The following ZNRF2 variants were observed in gnomAD, a reference collection of about 807,000 sequenced individuals.
ZNRF2 encodes the protein E3 ubiquitin-protein ligase ZNRF2.
ZNRF2 carries 16 observed loss-of-function variants against 20.4 expected under a neutral mutation model. The ratio of observed to expected loss-of-function variants is 0.79; its 90% CI spans 0.53 to 1.19. ZNRF2 has a LOEUF of 1.19. ZNRF2 is among the 50% of genes most tolerant of loss of function. ZNRF2 has a pLI of 0.00. For missense variants in ZNRF2, 363 were observed against 332.4 expected, an observed-to-expected ratio of 1.09 and a Z score of -0.72; for synonymous variants, 178 against 144.9, an observed-to-expected ratio of 1.23 and a Z score of -1.64.
At chr7:30,365,155 T>C (rs1320698767) in intron 4 of ZNRF2, among the ~76,000 whole-genome samples, 1 of 93,210 alleles carries the variant, frequency 1.1e-5, no homozygotes. Context: ...AGCTTTTTTT[T>C]TTTTTTTTTT....
chr7:30,340,766 A>AG (rs1408548559), intron 2 of ZNRF2, among the ~76,000 whole-genome samples: 1 of 152,044 alleles, frequency 6.6e-6, no homozygotes, highest in Non-Finnish European at 1.5e-5. Context: ...AAATTGAGTT[A>AG]GGGAGGAGTC....
chr7:30,340,841 G>A (rs1438089860), intron 2 of ZNRF2, among the ~76,000 whole-genome samples: 1 of 152,092 alleles, frequency 6.6e-6, no homozygotes, highest in South Asian at 2.1e-4. Flanking sequence ...TGTACCTCCG[G>A]TAGAGTTTGG....
At chr7:30,306,006 G>A (rs983946447) in intron 1 of ZNRF2, among the ~76,000 whole-genome samples, 1 of 152,200 alleles carries the variant, frequency 6.6e-6, no homozygotes, top group East Asian at 1.9e-4. Flanking sequence ...GGCCTTTGGG[G>A]CTTTGGCCCA....
chr7:30,287,561 G>GC (rs1295902143), intron 1 of ZNRF2, among the ~76,000 whole-genome samples: 1 of 152,006 alleles, frequency 6.6e-6, no homozygotes, highest in Non-Finnish European at 1.5e-5. Flanking sequence ...AGACAGTTGA[G>GC]CCCCATGCTA....
chr7:30,347,535 C>T (rs1392377709), intron 2 of ZNRF2, among the ~76,000 whole-genome samples: 1 of 152,052 alleles, frequency 6.6e-6, no homozygotes, highest in Non-Finnish European at 1.5e-5. Context: ...ATGTGTTTTT[C>T]ACCCTTTCCT....
At chr7:30,336,841 T>G (rs1410254689) in intron 2 of ZNRF2, among the ~76,000 whole-genome samples, 1 of 152,210 alleles carries the variant, frequency 6.6e-6, no homozygotes, top group African/African-American at 2.4e-5. Context: ...ATATATATTT[T>G]CTTCTGTAGA....
At chr7:30,342,825 G>A (rs1367675690) in intron 2 of ZNRF2, among the ~76,000 whole-genome samples, 1 of 151,982 alleles carries the variant, frequency 6.6e-6, no homozygotes, top group Non-Finnish European at 1.5e-5. Context: ...GAGGTACTTT[G>A]TATTTTGGGG....
chr7:30,328,001 A>C (rs1408292609), intron 2 of ZNRF2, among the ~76,000 whole-genome samples: 1 of 152,220 alleles, frequency 6.6e-6, no homozygotes, highest in Non-Finnish European at 1.5e-5. Flanking sequence ...GCTCTTGGAC[A>C]GTGGCCAGTT....
In ZNRF2 at chr7:30,333,608, T is replaced by G. The variant is rs1217559995; in HGVS notation, c.565+9871T>G. ...TGGTCTTGAACTCCTGACCTTGTGA[T>G]CCTTCCGCCTCAGGCTCCCAAAGTG... On this transcript the variant is annotated intron_variant, in intron 2 of 4. Coordinates refer to ENST00000323037, the MANE Select transcript of ZNRF2 (RefSeq NM_147128.4). Among the ~76,000 whole-genome samples, 11 of 152,148 alleles carry G rather than the reference T, an allele frequency of 7.2e-5. No individual in the cohort carries two copies. In the East Asian group the frequency reaches 1.9e-3, roughly 27 times the overall value.
At chr7:30,306,998 C>CT (rs1269882117) in intron 1 of ZNRF2, among the ~76,000 whole-genome samples, 12 of 152,054 alleles carry the variant, frequency 7.9e-5, no homozygotes, top group Non-Finnish European at 1.8e-4. Flanking sequence ...GGTTTTCCCT[C>CT]TTTTTTCTAC....
rs1233272894 is a variant in ZNRF2 at position 30,356,534 on chromosome 7, G to C, written c.671+701G>C. ...TGATAAACAACACATTTGAACATAA[G>C]TATACATAACATTTGAAAGTAAAAG... On this transcript the variant is annotated intron_variant, in intron 3 of 4. Coordinates refer to ENST00000323037, the MANE Select transcript of ZNRF2 (RefSeq NM_147128.4). Among the ~76,000 whole-genome samples the C allele has an allele frequency of 2.6e-5, 4 of 152,060 alleles. No individual in the cohort carries two copies. In the East Asian group the frequency reaches 7.7e-4, roughly 29 times the overall value.
chr7:30,323,048 G>A (rs1257402424), intron 1 of ZNRF2, among the ~76,000 whole-genome samples: 1 of 152,196 alleles, frequency 6.6e-6, no homozygotes, highest in Non-Finnish European at 1.5e-5. Flanking sequence ...ACCCCGATCT[G>A]ATGCTAGTTT....
At chr7:30,323,512 G>T in intron 1 of ZNRF2, 130 bp from the exon 2 acceptor site, 1 of 529,940 alleles carries the variant, frequency 1.9e-6, no homozygotes. Context: ...GACTTGAGTT[G>T]CACATAAACA....
At chr7:30,349,098 T>G (rs1010647322) in intron 2 of ZNRF2, among the ~76,000 whole-genome samples, 4 of 152,204 alleles carry the variant, frequency 2.6e-5, no homozygotes, top group Non-Finnish European at 5.9e-5. Context: ...AATATTGCTG[T>G]AGTAAAATTT....
chr7:30,293,848 A>G (rs1459045542), intron 1 of ZNRF2, among the ~76,000 whole-genome samples: 1 of 152,194 alleles, frequency 6.6e-6, no homozygotes, highest in East Asian at 1.9e-4. Context: ...GTATTCAGTC[A>G]TTTGAATTTC....
At position 30,301,535 on chromosome 7, in the gene ZNRF2, A is replaced by T. The variant is rs116208021; in HGVS notation, c.469+15709A>T. On this transcript the variant is annotated intron_variant, in intron 1 of 4. Coordinates refer to ENST00000323037, the MANE Select transcript of ZNRF2 (RefSeq NM_147128.4). ...AAAGGGACTTAAATTACTAAAAGCA[A>T]TCTGGGGCATGGTTCGCTGCATTCA... Among the ~76,000 whole-genome samples the T allele has an allele frequency of 1.8e-4, 28 of 152,104 alleles. No individual in the cohort carries two copies. The South Asian group carries it at 5.4e-3, about 29-fold the overall frequency.
At chr7:30,295,052 T>TGTGTGG (rs1798994497) in intron 1 of ZNRF2, among the ~76,000 whole-genome samples, 1 of 39,390 alleles carries the variant, frequency 2.5e-5, no homozygotes, top group Non-Finnish European at 4.3e-5. Context: ...AGAGAGAGAG[T>TGTGTGG]GTGTGTGTGT....
chr7:30,285,585 G>C lies in ZNRF2; in HGVS notation c.228G>C (p.Ala76=). 1 of 1,058,572 alleles carries C rather than the reference G, an allele frequency of 9.4e-7. No individual in the cohort carries two copies. Among genetic ancestry groups the C allele is most frequent in the Non-Finnish European group, 1.1e-6 (1 of 878,504 alleles). 65.6% of individuals were successfully genotyped at this position (1,058,572 alleles called of 1,614,324 possible). The change falls in exon 1 of 5, where the codon GCG becomes GCC. Residue 76 remains alanine (A), a synonymous_variant. Coordinates refer to ENST00000323037, the MANE Select transcript of ZNRF2 (RefSeq NM_147128.4). ...AAAAAAPAAP[A]APRSRSLGGA... ...CCGCGGCGGCCCCGGCAGCCCCGGC[G>C]GCCCCGCGCAGCCGCTCCCTCGGCG...
intron 2 of ZNRF2, among the ~76,000 whole-genome samples, chr7:30,346,112 T>C (rs967200446): frequency 6.7e-6 from 1 of 150,246 alleles, no homozygotes; most frequent in Non-Finnish European, 1.5e-5. Flanking sequence ...ATATGAATGC[T>C]ATCTTGGGTG....
Sources: gnomAD v4.1 joint callset for allele counts (sites outside exome capture counted in the v4.1 genomes callset) on GRCh38, gnomAD v4.1.1 for gene constraint, MANE v1.5 for transcripts, NCBI Gene and HGNC (gene_info 2026-07-23, HGNC 2026-07-21) for gene names.